STXBP5L: variants seen among roughly 807,000 people sequenced by gnomAD.
STXBP5L encodes syntaxin-binding protein 5-like.
STXBP5L carries 65 observed loss-of-function variants against 144.5 expected under a neutral mutation model. That is an observed-to-expected ratio of 0.45 (90% CI 0.37 to 0.55). STXBP5L has a LOEUF of 0.55. Among genes scored for constraint, STXBP5L ranks in the 20% least tolerant of loss-of-function variants. The pLI, the probability that STXBP5L is intolerant of heterozygous loss-of-function variation, is 0.00. For missense variants in STXBP5L, 1,298 were observed against 1,405.5 expected (o/e 0.92, Z 1.22); for synonymous variants, 505 against 469.6 (o/e 1.08, Z -0.97).
At chr3:120,993,717 T>A (rs1217563587) in intron 3 of STXBP5L, among the ~76,000 whole-genome samples, 1 of 152,174 alleles carries the variant, frequency 6.6e-6, no homozygotes, top group African/African-American at 2.4e-5. Flanking sequence ...GTAATATATT[T>A]TGACATCAGG....
chr3:121,072,219 T>A (rs2041839021), intron 5 of STXBP5L, among the ~76,000 whole-genome samples: 1 of 152,224 alleles, frequency 6.6e-6, no homozygotes, highest in Non-Finnish European at 1.5e-5. Flanking sequence ...TCACCCACCC[T>A]GAGAAAGTGC....
At chr3:121,223,266 G>T in intron 11 of STXBP5L, 109 bp downstream of exon 11, 1 of 1,133,858 alleles carries the variant, frequency 8.8e-7, no homozygotes, top group South Asian at 1.6e-5. Context: ...GTATAACGCT[G>T]TGAGCTACAA....
chr3:120,960,287 A>G (rs1209788898), intron 3 of STXBP5L, among the ~76,000 whole-genome samples: 1 of 152,194 alleles, frequency 6.6e-6, no homozygotes, highest in Non-Finnish European at 1.5e-5. Flanking sequence ...GTGGAGAAAT[A>G]GGAACACTTT....
chr3:121,352,096 A>G (rs985108660), intron 20 of STXBP5L, among the ~76,000 whole-genome samples: 11 of 152,180 alleles, frequency 7.2e-5, no homozygotes, highest in Admixed American at 3.3e-4. Context: ...GCCTTGTAGT[A>G]TAGTTTGAAG....
intron 19 of STXBP5L, among the ~76,000 whole-genome samples, chr3:121,295,335 GAA>G (rs1321671844): frequency 6.6e-6 from 1 of 152,064 alleles, no homozygotes; most frequent in African/African-American, 2.4e-5. Context: ...ACTACAGAAT[GAA>G]GAGATACATT....
At chr3:120,980,143 G>A (rs149652730) in intron 3 of STXBP5L, among the ~76,000 whole-genome samples, 1 of 152,090 alleles carries the variant, frequency 6.6e-6, no homozygotes, top group East Asian at 1.9e-4. Flanking sequence ...CTGACATATG[G>A]TATATTTTGG....
intron 3 of STXBP5L, among the ~76,000 whole-genome samples, chr3:121,007,581 C>T (rs1179402069): frequency 6.6e-6 from 1 of 151,840 alleles, no homozygotes; most frequent in Non-Finnish European, 1.5e-5. Context: ...CATTATTCTC[C>T]TCAGGAATGA....
chr3:121,344,421 C>A (rs2044866380), intron 20 of STXBP5L, among the ~76,000 whole-genome samples: 1 of 152,060 alleles, frequency 6.6e-6, no homozygotes, highest in Admixed American at 6.6e-5. Flanking sequence ...AATTAGAATA[C>A]TATTAAGTGC....
intron 22 of STXBP5L, among the ~76,000 whole-genome samples, chr3:121,399,780 C>A (rs144766217): frequency 6.6e-6 from 1 of 152,202 alleles, no homozygotes; most frequent in East Asian, 1.9e-4. Flanking sequence ...GTGGGCGTTA[C>A]GGCCATCATG....
intron 5 of STXBP5L, among the ~76,000 whole-genome samples, chr3:121,062,219 T>C (rs1205680699): frequency 1.3e-5 from 2 of 152,230 alleles, no homozygotes; most frequent in Admixed American, 6.5e-5. Context: ...TTTGCTTGTC[T>C]GTAAAGGATT....
intron 9 of STXBP5L, among the ~76,000 whole-genome samples, chr3:121,167,741 G>T (rs2046553424): frequency 6.6e-6 from 1 of 152,182 alleles, no homozygotes; most frequent in South Asian, 2.1e-4. Flanking sequence ...GGAAGGGGTG[G>T]CTGTGGGTGC....
intron 3 of STXBP5L, among the ~76,000 whole-genome samples, chr3:120,993,349 G>C (rs73187406): frequency 6.6e-6 from 1 of 151,798 alleles, no homozygotes; most frequent in African/African-American, 2.4e-5. Flanking sequence ...TTTTTGTTGC[G>C]TATGCTTTTA....
intron 20 of STXBP5L, among the ~76,000 whole-genome samples, chr3:121,350,963 A>C (rs2045255719): frequency 6.6e-6 from 1 of 152,144 alleles, no homozygotes; most frequent in South Asian, 2.1e-4. Context: ...TCAACTCGTC[A>C]AAATCATTCT....
intron 19 of STXBP5L, among the ~76,000 whole-genome samples, chr3:121,315,871 A>G (rs2043767665): frequency 1.3e-5 from 2 of 151,810 alleles, no homozygotes; most frequent in African/African-American, 4.8e-5. Flanking sequence ...GCTTGGTGGC[A>G]CACACCTGTA....
intron 20 of STXBP5L, among the ~76,000 whole-genome samples, chr3:121,346,045 C>T (rs2044954792): frequency 6.6e-6 from 1 of 151,820 alleles, no homozygotes; most frequent in Admixed American, 6.6e-5. Flanking sequence ...CGTTGGTGTG[C>T]TGCACCCACT....
intron 22 of STXBP5L, among the ~76,000 whole-genome samples, chr3:121,396,343 T>C (rs553055066): frequency 2.6e-5 from 4 of 152,244 alleles, no homozygotes; most frequent in Non-Finnish European, 5.9e-5. Flanking sequence ...ATATTCCACA[T>C]GGAGAAAAAT....
At chr3:120,948,546 C>G (rs896439851) in intron 2 of STXBP5L, among the ~76,000 whole-genome samples, 2 of 151,796 alleles carry the variant, frequency 1.3e-5, no homozygotes, top group East Asian at 3.9e-4. Flanking sequence ...GTTTTTAACT[C>G]TCACCCAACT....
At chr3:121,187,801 CA>C (rs758725170) in intron 9 of STXBP5L, among the ~76,000 whole-genome samples, 21 of 151,292 alleles carry the variant, frequency 1.4e-4, no homozygotes, top group Admixed American at 3.3e-4. Context: ...AGACCCATCT[CA>C]TGTGCAAAAA....
chr3:121,070,364 G>A (rs754508490), intron 5 of STXBP5L, among the ~76,000 whole-genome samples: 4 of 152,182 alleles, frequency 2.6e-5, no homozygotes, highest in Non-Finnish European at 5.9e-5. Flanking sequence ...TGAGGAATGT[G>A]GAGTTGTGGA....
Sources: gnomAD v4.1 joint callset for allele counts (sites outside exome capture counted in the v4.1 genomes callset) on GRCh38, gnomAD v4.1.1 for gene constraint, MANE v1.5 for transcripts, NCBI Gene and HGNC (gene_info 2026-07-23, HGNC 2026-07-21) for gene names.